Variants in SRFBP1 observed in about 807,000 individuals in gnomAD.
SRFBP1 encodes serum response factor-binding protein 1.
In SRFBP1, 47 loss-of-function variants were observed where a neutral mutation model predicts 45.5. The observed-to-expected ratio is 1.03, with a 90% CI of 0.82 to 1.32. The LOEUF is 1.32. SRFBP1 is among the 40% of genes most tolerant of loss of function. SRFBP1 has a pLI of 0.00. For missense variants in SRFBP1, 621 were observed against 484.6 expected, an observed-to-expected ratio of 1.28 and a Z score of -2.64; for synonymous variants, 203 against 166.3, an observed-to-expected ratio of 1.22 and a Z score of -1.70.
rs775525650 is a variant in SRFBP1, at chr5:122,016,111, T to A, written c.271-3149T>A. Among the ~76,000 whole-genome samples, 3 of 152,234 alleles carry A rather than the reference T, an allele frequency of 2.0e-5. No homozygotes were observed. In the East Asian group the frequency reaches 5.8e-4, roughly 29 times the overall value. On this transcript the variant is annotated intron_variant, in intron 4 of 7. Transcript: ENST00000339397. Reference sequence around the variant, plus strand: ...TTTATTTTGTTAGTTTTCTGTCTTATCTGTAGTGTAACACCAAACTCTCCA... The same window carrying A: ...TTTATTTTGTTAGTTTTCTGTCTTAACTGTAGTGTAACACCAAACTCTCCA...
intron 1 of SRFBP1, among the ~76,000 whole-genome samples, chr5:121,969,635 T>C (rs1752147503): frequency 6.6e-6 from 1 of 152,174 alleles, no homozygotes; most frequent in South Asian, 2.1e-4. Flanking sequence ...ATGTCTAATT[T>C]CTAGGCGATA....
chr5:121,993,207 A>C (rs1015726086), intron 3 of SRFBP1, among the ~76,000 whole-genome samples: 1 of 152,080 alleles, frequency 6.6e-6, no homozygotes, highest in Non-Finnish European at 1.5e-5. Context: ...AATATTTCTG[A>C]AAGACCACAA....
downstream of SRFBP1, among the ~76,000 whole-genome samples, chr5:122,076,377 A>G (rs1195101208): frequency 1.3e-5 from 2 of 152,214 alleles, no homozygotes; most frequent in Non-Finnish European, 2.9e-5. Flanking sequence ...AGAATAGTGG[A>G]AAAACAAAGC....
At chr5:122,064,280 G>C (rs1273144840) in intron 2 of SRFBP1, 1 of 151,274 alleles carries the variant, frequency 6.6e-6, no homozygotes, top group African/African-American at 2.4e-5. Context: ...TTTGAGTTTC[G>C]GCAGTTATTC....
At chr5:122,007,255 G>A (rs773880825) in intron 4 of SRFBP1, among the ~76,000 whole-genome samples, 6 of 151,980 alleles carry the variant, frequency 3.9e-5, no homozygotes, top group South Asian at 4.1e-4. Flanking sequence ...CAGTCTACAC[G>A]GGTGGTCTTG....
intron 4 of SRFBP1, among the ~76,000 whole-genome samples, chr5:122,016,044 C>A (rs772311664): frequency 3.3e-5 from 5 of 152,114 alleles, no homozygotes; most frequent in Admixed American, 6.6e-5. Flanking sequence ...GTTATTACTA[C>A]TTTTCTGCAT....
chr5:122,067,514 T>C (rs1159267251), intron 2 of SRFBP1, among the ~76,000 whole-genome samples: 1 of 152,074 alleles, frequency 6.6e-6, no homozygotes. Context: ...ATACATGATA[T>C]GTCTTCAGAG....
intron 2 of SRFBP1, among the ~76,000 whole-genome samples, chr5:122,050,687 A>G (rs1328460973): frequency 6.6e-6 from 1 of 151,886 alleles, no homozygotes; most frequent in Non-Finnish European, 1.5e-5. Flanking sequence ...TATTAATTTT[A>G]TCAAAGAACC....
downstream of SRFBP1, among the ~76,000 whole-genome samples, chr5:122,032,280 T>C (rs1327504864): frequency 6.6e-6 from 1 of 151,776 alleles, no homozygotes; most frequent in Non-Finnish European, 1.5e-5. Flanking sequence ...TTTTTTTTCC[T>C]TTATGTATAT....
intron 6 of SRFBP1, among the ~76,000 whole-genome samples, chr5:122,021,991 G>A (rs985331915): frequency 6.6e-6 from 1 of 151,804 alleles, no homozygotes; most frequent in Non-Finnish European, 1.5e-5. Flanking sequence ...ACCGTGCCCC[G>A]CCAAAATGTA....
chr5:121,962,847 C>T (rs145920140), intron 1 of SRFBP1, among the ~76,000 whole-genome samples: 2 of 152,176 alleles, frequency 1.3e-5, no homozygotes, highest in African/African-American at 2.4e-5. Context: ...AAAGGAAATT[C>T]TTTATCCCGT....
At chr5:122,070,165 T>G (rs770682980) in intron 2 of SRFBP1, 1 of 1,561,992 alleles carries the variant, frequency 6.4e-7, no homozygotes, top group South Asian at 1.1e-5. Context: ...GGGTTTACAC[T>G]GACCTGGGCA....
downstream of SRFBP1, chr5:122,077,868 C>T: frequency 6.5e-7 from 1 of 1,535,646 alleles, no homozygotes; most frequent in Non-Finnish European, 8.7e-7. This position sits in a 1 kb window ranked among gnomAD's most constrained non-coding sequence, Gnocchi z 4.9. Context: ...CGCCAGGCGC[C>T]CGGAGCCGCC....
At chr5:122,069,884 C>T (rs1423336178) in intron 2 of SRFBP1, 1 of 661,610 alleles carries the variant, frequency 1.5e-6, no homozygotes, top group African/African-American at 1.8e-5. Context: ...TCTCCTTTGC[C>T]TTCCATTATT....
downstream of SRFBP1, among the ~76,000 whole-genome samples, chr5:122,028,813 C>T (rs1200388208): frequency 1.3e-5 from 2 of 152,174 alleles, no homozygotes; most frequent in African/African-American, 2.4e-5. Context: ...GTTGGGGTCA[C>T]TATCCTCCAC....
At chr5:121,991,654 C>A (rs1026995614) in intron 3 of SRFBP1, among the ~76,000 whole-genome samples, 1 of 152,134 alleles carries the variant, frequency 6.6e-6, no homozygotes, top group Non-Finnish European at 1.5e-5. Flanking sequence ...CATAATATAT[C>A]ATTTATTGCA....
chr5:122,075,544 G>A lies in SRFBP1; in HGVS notation n.541G>A, dbSNP rs760721381. The A allele has an allele frequency of 6.4e-6, 10 of 1,561,244 alleles. No individual in the cohort carries two copies. Among genetic ancestry groups the A allele is most frequent in the African/African-American group, 1.4e-5 (1 of 72,182 alleles). ...TGACATCTGCCCTGTATGCTGTACT[G>A]TGATTTTGAAAAAAGAAAAATTATT... On this transcript the variant is annotated non_coding_transcript_exon_variant, in exon 3 of 3. Transcript: ENST00000504881.
At chr5:122,016,149 A>G (rs908092597) in intron 4 of SRFBP1, among the ~76,000 whole-genome samples, 1 of 152,194 alleles carries the variant, frequency 6.6e-6, no homozygotes, top group African/African-American at 2.4e-5. Flanking sequence ...TGCTATTGAT[A>G]TGTCCTCTCC....
At chr5:121,968,905 A>G (rs1752132039) in intron 1 of SRFBP1, among the ~76,000 whole-genome samples, 1 of 152,166 alleles carries the variant, frequency 6.6e-6, no homozygotes, top group Non-Finnish European at 1.5e-5. Flanking sequence ...CCCTGGAACA[A>G]TACTAGCTCC....
Sources: gnomAD v4.1 joint callset for allele counts (sites outside exome capture counted in the v4.1 genomes callset) on GRCh38, gnomAD v4.1.1 for gene constraint, Gnocchi (gnomAD v3.1) non-coding constraint, MANE v1.5 for transcripts, NCBI Gene and HGNC (gene_info 2026-07-23, HGNC 2026-07-21) for gene names.